The following WFDC10B variants were observed in gnomAD, a reference collection of about 807,000 sequenced individuals.
WFDC10B encodes protein WFDC10B.
WFDC10B carries 1 observed loss-of-function variant against 2.7 expected under a neutral mutation model. The observed-to-expected ratio is 0.38, with a 90% CI of 0.13 to 1.79. WFDC10B has a LOEUF of 1.79. Among genes scored for constraint, WFDC10B ranks in the 40% most tolerant of loss-of-function variants. WFDC10B has a pLI of 0.33. For synonymous variants in WFDC10B, 26 were observed against 32.2 expected, an observed-to-expected ratio of 0.81 and a Z score of 0.65; for missense variants, 71 against 87.8, an observed-to-expected ratio of 0.81 and a Z score of 0.76.
intron 2 of WFDC10B, among the ~76,000 whole-genome samples, chr20:45,691,451 A>G (rs910952140): frequency 6.6e-6 from 1 of 150,456 alleles, no homozygotes; most frequent in African/African-American, 2.5e-5. Flanking sequence ...AAAGTCTCCC[A>G]TTATTAATGT....
rs1341073207 is a variant in WFDC10B at position 45,684,688 on chromosome 20, G to A, written c.*142C>T. The A allele has an allele frequency of 2.6e-5, 29 of 1,128,122 alleles. No individual in the cohort carries two copies. In the East Asian group the frequency reaches 5.7e-4, roughly 22 times the overall value. 69.9% of individuals were successfully genotyped at this position (1,128,122 alleles called of 1,614,324 possible). On this transcript the variant is annotated 3_prime_UTR_variant, in exon 4 of 4. Transcript: ENST00000330523. ...TGTTCTGGTTTATTTGACAGGGACA[G>A]GGAGTTCAGACACTGGGGAGGGTGG...
intron 2 of WFDC10B, among the ~76,000 whole-genome samples, chr20:45,703,949 T>C (rs139597140): frequency 3.3e-5 from 5 of 152,314 alleles, no homozygotes; most frequent in South Asian, 2.1e-4. Flanking sequence ...GTTTAATGCA[T>C]GGTCTTCATC....
intron 2 of WFDC10B, chr20:45,702,163 T>C (rs1285471301): frequency 3.7e-6 from 6 of 1,613,536 alleles, no homozygotes; most frequent in Non-Finnish European, 5.1e-6. Context: ...GGTGGTGTTC[T>C]GCCTAGCACT....
Position 45,684,752 on chromosome 20 carries a change from C to T in WFDC10B, c.*78G>A. 1.9e-6 allele frequency: 3 copies of T among 1,563,764 alleles called. No individual in the cohort carries two copies. Among genetic ancestry groups the T allele is most frequent in the Non-Finnish European group, 2.6e-6 (3 of 1,150,650 alleles). On this transcript the variant is annotated 3_prime_UTR_variant, in exon 4 of 4. Coordinates refer to ENST00000330523, the MANE Select transcript of WFDC10B (RefSeq NM_172006.2). ...GTTCTTGTGCTGATGATTTGATGTCCTTGTGCTTCGGATGTGGGCACAGTC... is the reference window on the plus strand; with the variant it reads ...GTTCTTGTGCTGATGATTTGATGTCTTTGTGCTTCGGATGTGGGCACAGTC...
At chr20:45,697,715 A>G (rs779211599) in intron 2 of WFDC10B, among the ~76,000 whole-genome samples, 5 of 149,558 alleles carry the variant, frequency 3.3e-5, no homozygotes, top group African/African-American at 1.2e-4. Flanking sequence ...TGCAATTCCA[A>G]TCAAGTTCCA....
intron 2 of WFDC10B, among the ~76,000 whole-genome samples, chr20:45,702,630 G>C (rs141316792): frequency 1.7e-4 from 26 of 152,322 alleles, no homozygotes; most frequent in Middle Eastern, 6.8e-3. Flanking sequence ...ACTCAAGCTA[G>C]AATCTACATA....
At chr20:45,703,064 A>G (rs1382590090) in intron 2 of WFDC10B, among the ~76,000 whole-genome samples, 1 of 152,156 alleles carries the variant, frequency 6.6e-6, no homozygotes, top group African/African-American at 2.4e-5. Flanking sequence ...TTAATTGGAG[A>G]ATCAGAATTT....
chr20:45,693,954 C>G (rs1983902315), intron 2 of WFDC10B, among the ~76,000 whole-genome samples: 1 of 145,336 alleles, frequency 6.9e-6, no homozygotes, highest in Non-Finnish European at 1.5e-5. Context: ...CGGAGCTGTT[C>G]CTATTCAGCC....
intron 2 of WFDC10B, chr20:45,702,306 C>T (rs1053682092): frequency 8.6e-6 from 11 of 1,275,430 alleles, no homozygotes; most frequent in Non-Finnish European, 9.9e-6. Context: ...TGGAAAAATA[C>T]CGTGTCATGT....
intron 2 of WFDC10B, among the ~76,000 whole-genome samples, chr20:45,704,290 C>A (rs542027551): frequency 1.3e-5 from 2 of 152,152 alleles, no homozygotes; most frequent in African/African-American, 4.8e-5. Flanking sequence ...CAGAGGAAGG[C>A]AGCAGCTGAG....
chr20:45,699,568 TAGTG>T (rs1478388620), intron 2 of WFDC10B, among the ~76,000 whole-genome samples: 6 of 152,372 alleles, frequency 3.9e-5, no homozygotes, highest in Admixed American at 3.3e-4. Context: ...CACGTTCTGT[TAGTG>T]AGACTGTAGG....
chr20:45,702,918 A>G (rs983874635), intron 2 of WFDC10B, among the ~76,000 whole-genome samples: 2 of 152,150 alleles, frequency 1.3e-5, no homozygotes, highest in Non-Finnish European at 2.9e-5. Flanking sequence ...GGCGGCTCAG[A>G]AGAGGGATAA....
intron 2 of WFDC10B, among the ~76,000 whole-genome samples, chr20:45,689,876 A>G (rs1983751677): frequency 6.6e-6 from 1 of 152,100 alleles, no homozygotes; most frequent in African/African-American, 2.4e-5. Flanking sequence ...TTCCAACACT[A>G]TGTTGAATAG....
At chr20:45,688,134 T>C (rs1206442661) in intron 2 of WFDC10B, among the ~76,000 whole-genome samples, 1 of 150,984 alleles carries the variant, frequency 6.6e-6, no homozygotes, top group Admixed American at 6.6e-5. Context: ...GTTTGGTTTT[T>C]TGTTCTTGCG....
chr20:45,704,780 TCCTCCCCTC>T, intron 1 of WFDC10B, 129 bp downstream of exon 1: 1 of 1,281,156 alleles, frequency 7.8e-7, no homozygotes, highest in Non-Finnish European at 1.1e-6. Context: ...AGAAAAGCCC[TCCTCCCCTC>T]CCAATCACCA....
At chr20:45,696,039 C>A (rs1392902043) in intron 2 of WFDC10B, among the ~76,000 whole-genome samples, 1 of 152,082 alleles carries the variant, frequency 6.6e-6, no homozygotes, top group African/African-American at 2.4e-5. Flanking sequence ...GTAATCCCAG[C>A]ACTTTGGGAG....
chr20:45,689,399 G>T (rs1448060239), intron 2 of WFDC10B, among the ~76,000 whole-genome samples: 58 of 151,092 alleles, frequency 3.8e-4, no homozygotes, highest in Admixed American at 9.2e-4. Context: ...TAGCTTGATG[G>T]GGATGGCATT....
chr20:45,697,429 G>C (rs1318889398), intron 2 of WFDC10B, among the ~76,000 whole-genome samples: 2 of 130,124 alleles, frequency 1.5e-5, no homozygotes, highest in Non-Finnish European at 3.1e-5. Context: ...CTGTCACCCA[G>C]GCTGGAGTGC....
At chr20:45,689,128 T>G (rs1983723835) in intron 2 of WFDC10B, among the ~76,000 whole-genome samples, 2 of 147,736 alleles carry the variant, frequency 1.4e-5, no homozygotes, top group South Asian at 4.3e-4. Flanking sequence ...TTTTCTCAGG[T>G]TTGTCAAAGA....
Sources: allele counts gnomAD v4.1 joint callset (sites outside exome capture counted in the v4.1 genomes callset), GRCh38; gene constraint gnomAD v4.1.1; transcripts MANE v1.5; gene names NCBI Gene and HGNC (gene_info 2026-07-23, HGNC 2026-07-21).